Variants in CA8 observed in about 807,000 individuals in gnomAD.
CA8 encodes the protein carbonic anhydrase 8 (inactive), also known as carbonic anhydrase-related protein.
In CA8, 22 loss-of-function variants were observed where a neutral mutation model predicts 41.4. The observed-to-expected ratio is 0.53, with a 90% CI of 0.38 to 0.76. CA8 has a LOEUF of 0.76. Ranked by LOEUF, CA8 falls within the 30% of genes least tolerant of loss-of-function variation. The pLI is 0.00. For synonymous variants in CA8, 121 were observed against 130.6 expected, an observed-to-expected ratio of 0.93 and a Z score of 0.50; for missense variants, 270 against 352.8, an observed-to-expected ratio of 0.77 and a Z score of 1.88.
chr8:60,192,009 ACACT>A (rs140399523), intron 8 of CA8, among the ~76,000 whole-genome samples: 14,222 of 151,918 alleles, frequency 0.094, 1,478 homozygotes, highest in African/African-American at 0.26. Flanking sequence ...GTGAATTTGC[ACACT>A]CACTCAGTTA....
rs1171338800 is a variant in CA8 at position 60,188,301 on chromosome 8, T to C, written c.*1720A>G. 6.6e-6 allele frequency: 1 copy of C among 152,168 alleles called. No individual in the cohort carries two copies. The highest frequency in any genetic ancestry group is 1.5e-5 in the Non-Finnish European group (1 of 68,032). The allele number at this position is 152,168 out of a possible 1,614,324, so 9.4% of individuals were successfully genotyped here. On this transcript the variant is annotated 3_prime_UTR_variant, in exon 9 of 9. Transcript: ENST00000317995. ...TATTTCAGGGAAAGATGAAAGAAGA[T>C]TGCAAGAAGCATCAGAAGTCTAGTT...
At chr8:60,242,043 A>C (rs1362688393) in intron 3 of CA8, among the ~76,000 whole-genome samples, 1 of 152,196 alleles carries the variant, frequency 6.6e-6, no homozygotes, top group African/African-American at 2.4e-5. Flanking sequence ...CTAGGGTTTT[A>C]GTGTTCACTG....
At position 60,266,113 on chromosome 8, in the gene CA8, G is replaced by C. The variant is rs113930494; in HGVS notation, c.293-64C>G. On this transcript the variant is annotated intron_variant, in intron 2 of 8. Transcript: ENST00000317995. ...ATTTACCTCAGCATTATAAACATTA[G>C]AGACTTTTTTTTTTTCCACCAAAAT... The C allele has an allele frequency of 1.7e-3, 2,545 of 1,494,530 alleles. 32 individuals are homozygous for C. The African/African-American group carries it at 0.04, about 24-fold the overall frequency. The allele number at this position is 1,494,530 out of a possible 1,614,324, so 92.6% of individuals were successfully genotyped here. A position where few individuals can be genotyped will look rare whatever the true frequency, so the allele number is the denominator to read the frequency against.
chr8:60,213,820 T>C (rs951548638), intron 7 of CA8, among the ~76,000 whole-genome samples: 1 of 152,138 alleles, frequency 6.6e-6, no homozygotes, highest in Non-Finnish European at 1.5e-5. Flanking sequence ...GATCACATCA[T>C]GTTCCCACTG....
At chr8:60,258,668 C>T (rs1803633282) in intron 3 of CA8, among the ~76,000 whole-genome samples, 1 of 152,162 alleles carries the variant, frequency 6.6e-6, no homozygotes, top group Non-Finnish European at 1.5e-5. Context: ...GAGCCCTGAG[C>T]TTGTTTTCCT....
At position 60,190,409 on chromosome 8, in the gene CA8, T is replaced by C. The variant is rs184472433; in HGVS notation, c.*36-424A>G. 3.0e-3 allele frequency among the ~76,000 whole-genome samples: 422 copies of C among 142,800 alleles called. 1 individual carries two copies. The highest frequency in any genetic ancestry group is 7.5e-3 in the Admixed American group (104 of 13,880). 93.7% of individuals were successfully genotyped at this position (142,800 alleles called of 152,430 possible). On this transcript the variant is annotated intron_variant, in intron 8 of 8. Coordinates refer to ENST00000317995, the MANE Select transcript of CA8 (RefSeq NM_004056.6). Reference sequence around the variant, plus strand: ...CTAATTCCCAAATGACTTACAATTCTATTAAATAAATAATAAATGCAGAAT... The same window carrying C: ...CTAATTCCCAAATGACTTACAATTCCATTAAATAAATAATAAATGCAGAAT...
Position 60,185,487 on chromosome 8 carries a change from A to G in CA8, c.*4534T>C, listed in dbSNP as rs577523938. Among the ~76,000 whole-genome samples, 1 of 152,212 alleles carries G rather than the reference A, an allele frequency of 6.6e-6. No homozygotes were observed. The highest frequency in any genetic ancestry group is 6.5e-5 in the Admixed American group (1 of 15,276). ...ATCTACATACCCAAGAAGCTCAACAAATTCCAAGCAGAATAAATACAGACT... is the reference window on the plus strand; with the variant it reads ...ATCTACATACCCAAGAAGCTCAACAGATTCCAAGCAGAATAAATACAGACT... On this transcript the variant is annotated 3_prime_UTR_variant, in exon 9 of 9. Coordinates refer to ENST00000317995, the MANE Select transcript of CA8 (RefSeq NM_004056.6).
In CA8 at chr8:60,187,555, T is replaced by A. The variant is rs1805999314; in HGVS notation, c.*2466A>T. ...AGAAAACCCCAAAATCCACTTTGGC[T>A]CCTTGAAAAAAATCAATAAAATTGA... On this transcript the variant is annotated 3_prime_UTR_variant, in exon 9 of 9. Coordinates refer to ENST00000317995, the MANE Select transcript of CA8 (RefSeq NM_004056.6). 1 of 152,006 alleles carries A rather than the reference T, an allele frequency of 6.6e-6. No homozygotes were observed. The allele number at this position is 152,006 out of a possible 1,614,324, so 9.4% of individuals were successfully genotyped here.
In CA8 at chr8:60,197,878, T is replaced by C. The variant is rs150815988; in HGVS notation, c.*36-7893A>G. On this transcript the variant is annotated intron_variant, in intron 8 of 8. Transcript: ENST00000317995. Reference sequence around the variant, plus strand: ...AGATGAGAAAGAGATGTAGAATATATTGAACAATTGGTTAAAAAAATGGCA... The same window carrying C: ...AGATGAGAAAGAGATGTAGAATATACTGAACAATTGGTTAAAAAAATGGCA... 3.9e-3 allele frequency among the ~76,000 whole-genome samples: 592 copies of C among 152,282 alleles called. 4 individuals carry two copies. Among genetic ancestry groups the C allele is most frequent in the African/African-American group, 0.013 (549 of 41,560 alleles).
intron 8 of CA8, among the ~76,000 whole-genome samples, chr8:60,194,002 G>T (rs1413232832): frequency 1.3e-5 from 2 of 152,024 alleles, no homozygotes; most frequent in Non-Finnish European, 2.9e-5. Flanking sequence ...TAATTTCTGA[G>T]AATTTTCAAT....
At chr8:60,272,209 T>C (rs948122038) in intron 2 of CA8, among the ~76,000 whole-genome samples, 1 of 152,156 alleles carries the variant, frequency 6.6e-6, no homozygotes, top group African/African-American at 2.4e-5. Context: ...GTAGATTGCA[T>C]CGCAGAGATC....
rs761595427 is a variant in CA8, at chr8:60,222,748, C to T, written c.639G>A (p.Arg213=). The T allele has an allele frequency of 6.2e-7, 1 of 1,612,612 alleles. No homozygotes were observed. Among genetic ancestry groups the T allele is most frequent in the Non-Finnish European group, 8.5e-7 (1 of 1,178,630 alleles). The part of the protein sequence containing the change: ...PNTLLPDPLL[R]DYWVYEGSLT... ...GAGAGCCTTCATACACCCAGTAATCCCGCAGCAGAGGGTCTGCACAGCCAC... is the reference window on the plus strand; with the variant it reads ...GAGAGCCTTCATACACCCAGTAATCTCGCAGCAGAGGGTCTGCACAGCCAC... Residue 213 remains arginine (R), a synonymous_variant, in exon 7 of 9, where the codon CGG becomes CGA. Coordinates refer to ENST00000317995, the MANE Select transcript of CA8 (RefSeq NM_004056.6).
chr8:60,219,746 C>T (rs1807170478), intron 7 of CA8, among the ~76,000 whole-genome samples: 1 of 152,014 alleles, frequency 6.6e-6, no homozygotes, highest in African/African-American at 2.4e-5. Context: ...GGCTGGATCC[C>T]CAAATCCACC....
chr8:60,231,364 ACTTTCAAACAT>A (rs1453510720), intron 4 of CA8, among the ~76,000 whole-genome samples: 2 of 152,206 alleles, frequency 1.3e-5, no homozygotes, highest in Admixed American at 1.3e-4. Context: ...CTGGATGGCT[ACTTTCAAACAT>A]CAATAAAGAC....
intron 2 of CA8, among the ~76,000 whole-genome samples, chr8:60,274,470 G>A (rs889436688): frequency 6.6e-6 from 1 of 152,190 alleles, no homozygotes; most frequent in African/African-American, 2.4e-5. Context: ...AATTCCTACC[G>A]CAGAACCCAG....
In CA8 at chr8:60,267,605, A is replaced by C. The variant is rs1053715218; in HGVS notation, c.293-1556T>G. Among the ~76,000 whole-genome samples the C allele has an allele frequency of 2.6e-5, 4 of 152,190 alleles. No homozygotes were observed. In the South Asian group the frequency reaches 8.3e-4, roughly 31 times the overall value. The stretch of plus-strand genomic sequence containing the variant: ...GAAAAGCGGGATGAAGAGGGGCTGA[A>C]TGTGACCTGCCACAGTCAGCCTCCT... On this transcript the variant is annotated intron_variant, in intron 2 of 8. Transcript: ENST00000317995.
chr8:60,201,297 A>C (rs1384602799), intron 8 of CA8, among the ~76,000 whole-genome samples: 1 of 152,218 alleles, frequency 6.6e-6, no homozygotes, highest in African/African-American at 2.4e-5. Context: ...TAGGAATGTA[A>C]ATGAGTCATG....
At chr8:60,210,756 T>C (rs1563526830) in intron 7 of CA8, among the ~76,000 whole-genome samples, 2 of 152,194 alleles carry the variant, frequency 1.3e-5, no homozygotes, top group Non-Finnish European at 2.9e-5. Flanking sequence ...ATTGTACCTA[T>C]ATGCTGTATT....
chr8:60,276,697 C>T (rs1313290530), intron 2 of CA8, among the ~76,000 whole-genome samples: 1 of 152,124 alleles, frequency 6.6e-6, no homozygotes, highest in East Asian at 1.9e-4. Context: ...GCCCGGACTC[C>T]ACCACTATGC....
Sources: allele counts gnomAD v4.1 joint callset (sites outside exome capture counted in the v4.1 genomes callset), GRCh38; gene constraint gnomAD v4.1.1; transcripts MANE v1.5; gene names NCBI Gene and HGNC (gene_info 2026-07-23, HGNC 2026-07-21).